The following GOPC variants were observed in gnomAD, a reference collection of about 807,000 sequenced individuals.
The protein encoded by GOPC is golgi associated PDZ and coiled-coil motif containing.
A neutral mutation model predicts 51.2 loss-of-function variants in GOPC; 32 were observed. The observed-to-expected ratio is 0.63, with a 90% CI of 0.47 to 0.84. The LOEUF is 0.84. Ranked by LOEUF, GOPC falls within the 40% of genes least tolerant of loss-of-function variation. GOPC has a pLI of 0.00. For missense variants in GOPC, 441 were observed against 555.5 expected, an observed-to-expected ratio of 0.79 and a Z score of 2.07; for synonymous variants, 190 against 205.1, an observed-to-expected ratio of 0.93 and a Z score of 0.63.
At chr6:117,582,219 G>C (rs1177682392) in intron 1 of GOPC, among the ~76,000 whole-genome samples, 1 of 148,744 alleles carries the variant, frequency 6.7e-6, no homozygotes, top group Non-Finnish European at 1.5e-5. Context: ...TTGGTGGTTT[G>C]TAAGTTCTCT....
chr6:117,569,801 G>C, intron 6 of GOPC, 65 bp from the exon 7 acceptor site: 2 of 1,435,156 alleles, frequency 1.4e-6, no homozygotes, highest in Non-Finnish European at 1.8e-6. Flanking sequence ...GATTAATCTA[G>C]AGATAAAATA....
chr6:117,590,243 T>A (rs1366836003), intron 1 of GOPC, among the ~76,000 whole-genome samples: 1 of 152,194 alleles, frequency 6.6e-6, no homozygotes, highest in African/African-American at 2.4e-5. Flanking sequence ...GAATAAGACA[T>A]GGATTCTAGA....
At chr6:117,581,364 C>CT (rs920764356) in intron 1 of GOPC, among the ~76,000 whole-genome samples, 1 of 151,578 alleles carries the variant, frequency 6.6e-6, no homozygotes, top group Non-Finnish European at 1.5e-5. Context: ...TTCTTCATTC[C>CT]TTTTTTTTAA....
Position 117,569,689 on chromosome 6 carries a change from C to T in GOPC, c.960G>A (p.Pro320=), listed in dbSNP as rs41305292. The T allele has an allele frequency of 6.4e-5, 103 of 1,608,052 alleles. No homozygotes were observed. Among genetic ancestry groups the T allele is most frequent in the Middle Eastern group, 1.7e-4 (1 of 6,050 alleles). ...CTCCGCATCTATCAGCAGGTTGCCC[C>T]GGATGGATCTCAGAGATGAGGATTG... is the stretch of plus-strand genomic sequence containing the variant. ...GVPILISEIH[P]GQPADRCGGL... is the part of the protein sequence containing the mutation. The change falls in exon 7 of 9, where the codon CCG becomes CCA. Residue 320 remains proline (P), a synonymous_variant. Transcript: ENST00000368498.
At chr6:117,589,602 G>A (rs976895381) in intron 1 of GOPC, among the ~76,000 whole-genome samples, 1 of 152,106 alleles carries the variant, frequency 6.6e-6, no homozygotes, top group Non-Finnish European at 1.5e-5. Flanking sequence ...TTACAGGCGT[G>A]AGCCACTGCG....
intron 5 of GOPC, among the ~76,000 whole-genome samples, chr6:117,571,403 T>A (rs1323731160): frequency 1.3e-5 from 2 of 152,140 alleles, no homozygotes; most frequent in African/African-American, 2.4e-5. Flanking sequence ...GTCTACCTCT[T>A]AAATAAAGGG....
chr6:117,599,346 A>C (rs1771951715), intron 1 of GOPC, among the ~76,000 whole-genome samples: 1 of 152,224 alleles, frequency 6.6e-6, no homozygotes, highest in African/African-American at 2.4e-5. Context: ...AAAAAGTAAA[A>C]AAGGGCAAGA....
At chr6:117,594,599 C>A (rs1003210687) in intron 1 of GOPC, among the ~76,000 whole-genome samples, 1 of 152,110 alleles carries the variant, frequency 6.6e-6, no homozygotes, top group African/African-American at 2.4e-5. Flanking sequence ...TTCATAAGTG[C>A]GTACTGGATC....
chr6:117,574,953 C>T (rs1048945935), intron 4 of GOPC, among the ~76,000 whole-genome samples: 19 of 152,092 alleles, frequency 1.2e-4, no homozygotes, highest in Non-Finnish European at 1.5e-5. Context: ...GTGGCAGGCA[C>T]CTGTAATCCC....
chr6:117,583,851 C>A (rs1283034721), intron 1 of GOPC, among the ~76,000 whole-genome samples: 7 of 152,160 alleles, frequency 4.6e-5, no homozygotes, highest in Non-Finnish European at 8.8e-5. Flanking sequence ...AAAGTGTTAT[C>A]CTTCTATTCC....
chr6:117,597,013 C>A (rs190299505), intron 1 of GOPC, among the ~76,000 whole-genome samples: 2 of 152,300 alleles, frequency 1.3e-5, no homozygotes, highest in Admixed American at 6.5e-5. Context: ...TCTACCCATT[C>A]ATGAGCATGG....
intron 5 of GOPC, among the ~76,000 whole-genome samples, chr6:117,571,232 T>C (rs1562139837): frequency 6.6e-6 from 1 of 152,152 alleles, no homozygotes; most frequent in Non-Finnish European, 1.5e-5. Context: ...AAAGAAATGA[T>C]TTCCAGGAAT....
intron 1 of GOPC, among the ~76,000 whole-genome samples, chr6:117,599,502 C>T (rs1195343596): frequency 1.3e-5 from 2 of 152,152 alleles, no homozygotes; most frequent in African/African-American, 4.8e-5. Flanking sequence ...TCCATAAAAA[C>T]GGCAGAAGCT....
chr6:117,563,453 G>T, intron 8 of GOPC, 69 bp from the exon 9 acceptor site: 3 of 1,466,048 alleles, frequency 2.0e-6, no homozygotes, highest in Non-Finnish European at 2.8e-6. Flanking sequence ...CAGGTGCAGT[G>T]GCTCATACCT....
chr6:117,597,922 A>G (rs77548420), intron 1 of GOPC, among the ~76,000 whole-genome samples: 1 of 152,154 alleles, frequency 6.6e-6, no homozygotes, highest in African/African-American at 2.4e-5. Flanking sequence ...TGGTATATAT[A>G]CACAAAGGAA....
chr6:117,569,071 G>A (rs1779755321), intron 7 of GOPC, among the ~76,000 whole-genome samples: 2 of 152,286 alleles, frequency 1.3e-5, no homozygotes, highest in South Asian at 4.1e-4. Flanking sequence ...GCAACTTTGA[G>A]TAAATCCTTT....
chr6:117,566,418 A>AT (rs961879462), intron 8 of GOPC, among the ~76,000 whole-genome samples: 40 of 152,318 alleles, frequency 2.6e-4, no homozygotes, highest in African/African-American at 9.6e-4. Context: ...CCCCAAGATA[A>AT]TATAAGTTGA....
In GOPC at chr6:117,563,168, G is replaced by C; in HGVS notation, c.*86C>G. ...ATTTAGGCAACAAACAGCCTCCCCT[G>C]ATTTTGTAGTCTTTGTCACCATCTT... is the stretch of plus-strand genomic sequence containing the variant. On this transcript the variant is annotated 3_prime_UTR_variant, in exon 9 of 9. Transcript: ENST00000368498. 1 of 1,294,080 alleles carries C rather than the reference G, an allele frequency of 7.7e-7. No homozygotes were observed. Among genetic ancestry groups the C allele is most frequent in the Admixed American group, 1.9e-5 (1 of 53,424 alleles). 80.2% of individuals were successfully genotyped at this position (1,294,080 alleles called of 1,614,324 possible).
chr6:117,573,415 T>C (rs1779834690), intron 5 of GOPC, 52 bp downstream of exon 5: 1 of 1,565,734 alleles, frequency 6.4e-7, no homozygotes, highest in South Asian at 1.2e-5. Flanking sequence ...GCAACTGTGA[T>C]TAAAGAAAGA....
Sources: gnomAD v4.1 joint callset for allele counts (sites outside exome capture counted in the v4.1 genomes callset) on GRCh38, gnomAD v4.1.1 for gene constraint, MANE v1.5 for transcripts, NCBI Gene and HGNC (gene_info 2026-07-23, HGNC 2026-07-21) for gene names.